PITPNA: variants seen among roughly 807,000 people sequenced by gnomAD.
PITPNA encodes phosphatidylinositol transfer protein alpha.
A neutral mutation model predicts 50.3 loss-of-function variants in PITPNA; 13 were observed. That is an observed-to-expected ratio of 0.26 (90% CI 0.17 to 0.41). The LOEUF (loss-of-function observed/expected upper bound fraction) is 0.41, where lower values mean the gene tolerates loss of function less well. PITPNA is among the 10% of genes least tolerant of loss of function. PITPNA has a pLI of 1.00. For missense variants in PITPNA, 207 were observed against 333.4 expected, an observed-to-expected ratio of 0.62 and a Z score of 2.95; for synonymous variants, 120 against 119.6, an observed-to-expected ratio of 1.00 and a Z score of -0.02.
At chr17:1,542,190 G>C (rs1223828086) in intron 5 of PITPNA, among the ~76,000 whole-genome samples, 2 of 149,430 alleles carry the variant, frequency 1.3e-5, no homozygotes, top group African/African-American at 4.9e-5. Flanking sequence ...ACAACAGCAA[G>C]ACTCCGTTTC....
rs1234426073 is a variant in PITPNA at position 1,562,423 on chromosome 17, C to T, written c.20+118G>A. 2.4e-6 allele frequency: 2 copies of T among 831,960 alleles called. No individual in the cohort carries two copies. Among genetic ancestry groups the T allele is most frequent in the East Asian group, 3.6e-5 (1 of 27,560 alleles). 51.5% of individuals were successfully genotyped at this position (831,960 alleles called of 1,614,324 possible). A position where few individuals can be genotyped will look rare whatever the true frequency, so the allele number is the denominator to read the frequency against. On this transcript the variant is annotated intron_variant, in intron 1 of 11. Coordinates refer to ENST00000313486, the MANE Select transcript of PITPNA (RefSeq NM_006224.4). The surrounding 1 kb of genome is among the most constrained non-coding windows in gnomAD (Gnocchi z 6.4). ...TCCCCGCTGGGCCCGCCTCAGGCAC[C>T]CTCCGTCCCTGCTGCCCCTCCGTCC...
At chr17:1,556,809 A>G (rs927798797) in intron 2 of PITPNA, among the ~76,000 whole-genome samples, 6 of 152,050 alleles carry the variant, frequency 3.9e-5, no homozygotes, top group Non-Finnish European at 7.4e-5. Context: ...TATTTTCAAT[A>G]AAGACAGCAC....
chr17:1,540,235 T>C (rs1567581650), intron 6 of PITPNA, among the ~76,000 whole-genome samples: 1 of 152,216 alleles, frequency 6.6e-6, no homozygotes, highest in Non-Finnish European at 1.5e-5. Flanking sequence ...TTTAGCAACA[T>C]GCTGATTATT....
In PITPNA at chr17:1,562,506, T is replaced by G; in HGVS notation, c.20+35A>C. ...CCCCGGCGGCCGTCCCCACCCTCCCTCCTCCCCGCTTCCGCACGGCCGCCG... is the reference window on the plus strand; with the variant it reads ...CCCCGGCGGCCGTCCCCACCCTCCCGCCTCCCCGCTTCCGCACGGCCGCCG... On this transcript the variant is annotated intron_variant, in intron 1 of 11. Coordinates refer to ENST00000313486, the MANE Select transcript of PITPNA (RefSeq NM_006224.4). This position sits in a 1 kb window ranked among gnomAD's most constrained non-coding sequence, Gnocchi z 6.4. 2.5e-5 allele frequency: 24 copies of G among 953,496 alleles called. No individual in the cohort carries two copies. Among genetic ancestry groups the G allele is most frequent in the Non-Finnish European group, 3.2e-5 (22 of 677,398 alleles). 59.1% of individuals were successfully genotyped at this position (953,496 alleles called of 1,614,324 possible). A position where few individuals can be genotyped will look rare whatever the true frequency, so the allele number is the denominator to read the frequency against.
intron 10 of PITPNA, among the ~76,000 whole-genome samples, chr17:1,522,916 T>C (rs1462351544): frequency 6.6e-6 from 1 of 152,146 alleles, no homozygotes; most frequent in Non-Finnish European, 1.5e-5. Context: ...CTGAGAGAAA[T>C]GAGGGAGAAA....
At chr17:1,541,518 CAG>C (rs2075647694) in intron 6 of PITPNA, 46 bp downstream of exon 6, 1 of 1,343,880 alleles carries the variant, frequency 7.4e-7, no homozygotes, top group African/African-American at 1.4e-5. Context: ...GGCTACAAGG[CAG>C]AGACTCAAGA....
At position 1,562,472 on chromosome 17, in the gene PITPNA, G is replaced by A. The variant is rs940161911; in HGVS notation, c.20+69C>T. On this transcript the variant is annotated intron_variant, in intron 1 of 11. Coordinates refer to ENST00000313486, the MANE Select transcript of PITPNA (RefSeq NM_006224.4). This position sits in a 1 kb window ranked among gnomAD's most constrained non-coding sequence, Gnocchi z 6.4. ...CCATCCGGGCCCTGCGTCCCTCGCC[G>A]CGCCGTCGCCCCGGCGGCCGTCCCC... 10 of 1,296,666 alleles carry A rather than the reference G, an allele frequency of 7.7e-6. No individual in the cohort carries two copies. Among genetic ancestry groups the A allele is most frequent in the South Asian group, 3.1e-5 (2 of 63,866 alleles). The allele number at this position is 1,296,666 out of a possible 1,614,324, so 80.3% of individuals were successfully genotyped here. A position where few individuals can be genotyped will look rare whatever the true frequency, so the allele number is the denominator to read the frequency against.
At chr17:1,536,372 C>G (rs945424356) in intron 7 of PITPNA, among the ~76,000 whole-genome samples, 2 of 150,282 alleles carry the variant, frequency 1.3e-5, no homozygotes, top group Admixed American at 6.7e-5. Flanking sequence ...ACTGCAAGCT[C>G]CATCTCCCAA....
At chr17:1,529,149 A>AG (rs1180177785) in intron 10 of PITPNA, among the ~76,000 whole-genome samples, 2 of 70,510 alleles carry the variant, frequency 2.8e-5, no homozygotes, top group Non-Finnish European at 5.6e-5. Context: ...AAAAAAAAAA[A>AG]AAAAAAAGAG....
chr17:1,522,663 G>A (rs1344109457), intron 10 of PITPNA, among the ~76,000 whole-genome samples: 8 of 152,312 alleles, frequency 5.3e-5, no homozygotes, highest in African/African-American at 9.6e-5. Context: ...GTGAGCCACC[G>A]CACCCAGCCT....
At chr17:1,559,405 G>A (rs1445561580) in intron 1 of PITPNA, 1 of 152,288 alleles carries the variant, frequency 6.6e-6, no homozygotes, top group Non-Finnish European at 1.5e-5. Flanking sequence ...GCCAGGGCTA[G>A]CAGCACTTCT....
At chr17:1,539,942 G>A (rs1465451372) in intron 6 of PITPNA, among the ~76,000 whole-genome samples, 1 of 152,228 alleles carries the variant, frequency 6.6e-6, no homozygotes, top group Non-Finnish European at 1.5e-5. Context: ...TCACCATGTT[G>A]GCCAGGCTGA....
chr17:1,542,963 TTC>T lies in PITPNA; in HGVS notation c.297+55_297+56del, dbSNP rs2075655121. The T allele has an allele frequency of 3.6e-6, 5 of 1,405,166 alleles. No individual in the cohort carries two copies. In the South Asian group the frequency reaches 6.0e-5, roughly 17 times the overall value. 87.0% of individuals were successfully genotyped at this position (1,405,166 alleles called of 1,614,324 possible). On this transcript the variant is annotated intron_variant, in intron 5 of 11. Coordinates refer to ENST00000313486, the MANE Select transcript of PITPNA (RefSeq NM_006224.4). ...CAAGACCACCAGTGCAGTTACATTT[TTC>T]TCTCTCCTGTTCTTATACATCATCT...
intron 2 of PITPNA, among the ~76,000 whole-genome samples, chr17:1,558,089 G>A (rs2075746484): frequency 1.3e-5 from 2 of 152,160 alleles, no homozygotes; most frequent in South Asian, 4.2e-4. Flanking sequence ...AAATTAGCCG[G>A]GTGTGGTGGC....
chr17:1,554,609 C>T (rs58369705), intron 2 of PITPNA, among the ~76,000 whole-genome samples: 6,376 of 152,040 alleles, frequency 0.042, 479 homozygotes, highest in African/African-American at 0.15. Context: ...AAATCACTGC[C>T]TCCAACAGCA....
chr17:1,545,379 C>G (rs1419731521), intron 4 of PITPNA, among the ~76,000 whole-genome samples: 1 of 152,212 alleles, frequency 6.6e-6, no homozygotes, highest in Non-Finnish European at 1.5e-5. Flanking sequence ...GAACTAATAA[C>G]CTCTCTCCCA....
At chr17:1,535,415 C>G (rs1555531132) in intron 8 of PITPNA, 26 bp downstream of exon 8, 1 of 1,589,486 alleles carries the variant, frequency 6.3e-7, no homozygotes, top group Non-Finnish European at 8.6e-7. Context: ...TGCCCAGCCC[C>G]CTGGCAGTGA....
rs376305018 is a variant in PITPNA at position 1,553,831 on chromosome 17, C to T, written c.52-682G>A. 1.3e-3 allele frequency among the ~76,000 whole-genome samples: 196 copies of T among 152,320 alleles called. 1 individual carries two copies. The highest frequency in any genetic ancestry group is 3.4e-3 in the Middle Eastern group (1 of 294). On this transcript the variant is annotated intron_variant, in intron 2 of 11. Coordinates refer to ENST00000313486, the MANE Select transcript of PITPNA (RefSeq NM_006224.4). ...TCTAGTCTTAGGCCTCTCCTCACCC[C>T]GCAAGTAGCTCTTTCAGGCAATGAA...
chr17:1,553,193 CA>C, intron 2 of PITPNA, 44 bp from the exon 3 acceptor site: 2 of 1,605,854 alleles, frequency 1.2e-6, no homozygotes, highest in Non-Finnish European at 1.7e-6. Flanking sequence ...GGACCCTTCT[CA>C]ACGGTTACAC....
Sources: allele counts gnomAD v4.1 joint callset (sites outside exome capture counted in the v4.1 genomes callset), GRCh38; gene constraint gnomAD v4.1.1; non-coding constraint Gnocchi (gnomAD v3.1); transcripts MANE v1.5; gene names NCBI Gene and HGNC (gene_info 2026-07-23, HGNC 2026-07-21).